Variants in ANKRD44 observed in about 807,000 individuals in gnomAD.
ANKRD44 encodes serine/threonine-protein phosphatase 6 regulatory ankyrin repeat subunit B.
Under a neutral mutation model 116.0 loss-of-function variants are expected in ANKRD44, and 35 were observed. The observed-to-expected ratio is 0.30, with a 90% CI of 0.23 to 0.40. The LOEUF (loss-of-function observed/expected upper bound fraction) is 0.40, where lower values mean the gene tolerates loss of function less well. Ranked by LOEUF, ANKRD44 falls within the 10% of genes least tolerant of loss-of-function variation. The pLI is 1.00. For missense variants in ANKRD44, 1,014 were observed against 1,242.6 expected, an observed-to-expected ratio of 0.82 and a Z score of 2.77; for synonymous variants, 435 against 461.8, an observed-to-expected ratio of 0.94 and a Z score of 0.74.
chr2:197,278,678 C>CTT (rs2083174037), intron 1 of ANKRD44, among the ~76,000 whole-genome samples: 1 of 152,218 alleles, frequency 6.6e-6, no homozygotes, highest in South Asian at 2.1e-4. Context: ...GATGGAGGCT[C>CTT]TTTACACCCA....
chr2:197,066,317 A>T (rs1574387972), intron 16 of ANKRD44, among the ~76,000 whole-genome samples: 1 of 152,168 alleles, frequency 6.6e-6, no homozygotes, highest in African/African-American at 2.4e-5. Context: ...TTTATGACAA[A>T]CCCACAGCCA....
At chr2:196,983,881 C>G (rs1472001336), downstream of ANKRD44, among the ~76,000 whole-genome samples, 1 of 152,156 alleles carries the variant, frequency 6.6e-6, no homozygotes, top group African/African-American at 2.4e-5. Context: ...GATACAATCA[C>G]CTCTTGCTTA....
chr2:196,992,029 A>C (rs983229210), intron 27 of ANKRD44, among the ~76,000 whole-genome samples: 1 of 152,238 alleles, frequency 6.6e-6, no homozygotes, highest in African/African-American at 2.4e-5. Flanking sequence ...AATCCAGATA[A>C]GAAAACTGTC....
chr2:197,027,051 G>T (rs2076609129), intron 16 of ANKRD44, among the ~76,000 whole-genome samples: 1 of 151,872 alleles, frequency 6.6e-6, no homozygotes, highest in South Asian at 2.1e-4. Flanking sequence ...AATTTGAGAT[G>T]TTTATAAAGC....
At chr2:197,136,295 A>C in intron 4 of ANKRD44, 1 of 371,536 alleles carries the variant, frequency 2.7e-6, no homozygotes. Context: ...TTCTCCCGCA[A>C]GTCAATGATG....
chr2:197,253,370 C>T (rs2082365636), intron 1 of ANKRD44, among the ~76,000 whole-genome samples: 1 of 152,056 alleles, frequency 6.6e-6, no homozygotes, highest in African/African-American at 2.4e-5. Flanking sequence ...TATCAATAAA[C>T]ATAGTGGATA....
At chr2:197,256,726 C>T (rs910797243) in intron 1 of ANKRD44, among the ~76,000 whole-genome samples, 1 of 152,112 alleles carries the variant, frequency 6.6e-6, no homozygotes, top group Non-Finnish European at 1.5e-5. Flanking sequence ...CAGAAAATGG[C>T]ATACAAAAGG....
At chr2:196,995,496 T>C (rs2125885656) in intron 25 of ANKRD44, 35 bp from the exon 26 acceptor site, 5 of 1,469,560 alleles carry the variant, frequency 3.4e-6, no homozygotes, top group East Asian at 2.3e-5. Context: ...AAATGCAAGA[T>C]AGAGACACAG....
At chr2:197,183,279 T>C (rs2080561732) in intron 2 of ANKRD44, among the ~76,000 whole-genome samples, 1 of 151,786 alleles carries the variant, frequency 6.6e-6, no homozygotes, top group African/African-American at 2.4e-5. Flanking sequence ...ACTCAGAACC[T>C]AGGACAGAAA....
intron 16 of ANKRD44, among the ~76,000 whole-genome samples, chr2:197,053,152 C>T (rs2077141688): frequency 6.6e-6 from 1 of 152,130 alleles, no homozygotes; most frequent in Admixed American, 6.5e-5. Flanking sequence ...GCCTTGGCAA[C>T]AGAGCGAGAT....
Position 196,998,959 on chromosome 2 carries a change from T to C in ANKRD44, c.2613A>G (p.Ser871=), listed in dbSNP as rs112089165. 2.7e-3 allele frequency: 4,307 copies of C among 1,614,218 alleles called. 24 individuals carry two copies. The highest frequency in any genetic ancestry group is 9.6e-3 in the South Asian group (873 of 91,082). The change falls in exon 24 of 28, where the codon TCA becomes TCG. Residue 871 remains serine, a synonymous_variant. Coordinates refer to ENST00000282272, the MANE Select transcript of ANKRD44 (RefSeq NM_001195144.2). ...CAGCCATCATCAGTGCTGTTTTCCC[T>C]GAATTATCTACTGCGTTCACTGGAG... The part of the protein sequence containing the change: ...HSAPVNAVDN[S]GKTALMMAAE...
chr2:197,170,794 TTCTC>T (rs1239459189), intron 2 of ANKRD44, among the ~76,000 whole-genome samples: 2 of 152,160 alleles, frequency 1.3e-5, no homozygotes, highest in African/African-American at 2.4e-5. Context: ...AGCAGTGAGA[TTCTC>T]TATTTAAATT....
intron 8 of ANKRD44, among the ~76,000 whole-genome samples, 175 bp downstream of exon 8, chr2:197,121,157 A>G (rs767772749): frequency 2.7e-4 from 41 of 151,962 alleles, no homozygotes; most frequent in Non-Finnish European, 5.3e-4. Context: ...TTGAACTCCT[A>G]ACCTCATGAT....
intron 15 of ANKRD44, among the ~76,000 whole-genome samples, chr2:197,080,738 G>T (rs569105275): frequency 1.5e-4 from 23 of 152,074 alleles, no homozygotes; most frequent in Non-Finnish European, 3.4e-4. Flanking sequence ...CAACAGTCTG[G>T]GCATGGGAGG....
chr2:197,229,018 A>G (rs1318829925), intron 1 of ANKRD44, among the ~76,000 whole-genome samples: 2 of 152,236 alleles, frequency 1.3e-5, no homozygotes, highest in Non-Finnish European at 2.9e-5. Flanking sequence ...CTGGGCAACA[A>G]GAGTAAAAAT....
At chr2:197,228,702 C>T (rs1238358822) in intron 1 of ANKRD44, among the ~76,000 whole-genome samples, 1 of 152,166 alleles carries the variant, frequency 6.6e-6, no homozygotes, top group Non-Finnish European at 1.5e-5. Flanking sequence ...TTATCAGACA[C>T]CACAGGCAAA....
At chr2:196,999,845 G>A (rs1470381003) in intron 23 of ANKRD44, among the ~76,000 whole-genome samples, 4 of 151,864 alleles carry the variant, frequency 2.6e-5, no homozygotes, top group Admixed American at 6.6e-5. Context: ...CACCCGCCTC[G>A]GCCTCCCAAA....
intron 16 of ANKRD44, among the ~76,000 whole-genome samples, chr2:197,064,263 TCA>T (rs1222953332): frequency 6.6e-6 from 1 of 152,162 alleles, no homozygotes; most frequent in African/African-American, 2.4e-5. Context: ...AGAGATTTTG[TCA>T]CCACCAGGCC....
At chr2:196,989,755 AC>A in intron 27 of ANKRD44, 106 bp from the exon 28 acceptor site, 2 of 1,510,692 alleles carry the variant, frequency 1.3e-6, no homozygotes, top group South Asian at 1.2e-5. Flanking sequence ...TTCTGCTTTC[AC>A]TTTTTTTGTT....
Sources: gnomAD v4.1 joint callset for allele counts (sites outside exome capture counted in the v4.1 genomes callset) on GRCh38, gnomAD v4.1.1 for gene constraint, MANE v1.5 for transcripts, NCBI Gene and HGNC (gene_info 2026-07-23, HGNC 2026-07-21) for gene names.